ATF3: variants seen among roughly 807,000 people sequenced by gnomAD.
ATF3 encodes the protein activating transcription factor 3, also known as cyclic AMP-dependent transcription factor ATF-3.
Under a neutral mutation model 18.4 loss-of-function variants are expected in ATF3, and 10 were observed. That is an observed-to-expected ratio of 0.54 (90% CI 0.34 to 0.92). The LOEUF is 0.92. Ranked by LOEUF, ATF3 falls within the 40% of genes least tolerant of loss-of-function variation. The pLI is 0.02. For synonymous variants in ATF3, 78 were observed against 87.9 expected (o/e 0.89, Z 0.63); for missense variants, 183 against 222.3 (o/e 0.82, Z 1.12).
intron 1 of ATF3, among the ~76,000 whole-genome samples, chr1:212,601,211 C>T (rs753219916): frequency 1.3e-5 from 2 of 152,306 alleles, no homozygotes; most frequent in South Asian, 4.1e-4. Flanking sequence ...ACTCAGTTTA[C>T]TCAGTCAATA....
chr1:212,607,793 C>T (rs1010023647), upstream of ATF3, among the ~76,000 whole-genome samples: 1 of 152,214 alleles, frequency 6.6e-6, no homozygotes, highest in African/African-American at 2.4e-5. Flanking sequence ...CGCTGGCTTC[C>T]GCCCCCTCCT....
In ATF3 at chr1:212,619,278, C is replaced by G. The variant is rs1367965671; in HGVS notation, c.349-80C>G. On this transcript the variant is annotated intron_variant, in intron 3 of 3. Transcript: ENST00000341491. The surrounding 1 kb of genome is among the most constrained non-coding windows in gnomAD (Gnocchi z 4.4). ...CCGGTGTGTCCCAGGTACACCCCTGCATCCAGGCAGCAGCCCAGGCCACCC... is the reference window on the plus strand; with the variant it reads ...CCGGTGTGTCCCAGGTACACCCCTGGATCCAGGCAGCAGCCCAGGCCACCC... 6.8e-6 allele frequency: 11 copies of G among 1,611,452 alleles called. No homozygotes were observed. The Admixed American group carries it at 1.8e-4, about 27-fold the overall frequency.
intron 1 of ATF3, among the ~76,000 whole-genome samples, chr1:212,609,641 G>A (rs143588995): frequency 6.6e-6 from 1 of 152,356 alleles, no homozygotes; most frequent in African/African-American, 2.4e-5. Context: ...TCCCGGCAAC[G>A]GCTGGTGTCC....
intron 1 of ATF3, among the ~76,000 whole-genome samples, chr1:212,575,480 C>T (rs530229084): frequency 1.7e-4 from 26 of 152,174 alleles, no homozygotes; most frequent in African/African-American, 3.6e-4. Flanking sequence ...TTTCAGCAAA[C>T]GAAAACAGCC....
upstream of ATF3, among the ~76,000 whole-genome samples, chr1:212,605,421 T>C (rs1474031809): frequency 6.6e-6 from 1 of 152,182 alleles, no homozygotes; most frequent in Non-Finnish European, 1.5e-5. Flanking sequence ...TCCACTCCCG[T>C]TCCAAAGCGA....
At chr1:212,585,547 G>A (rs990967074) in intron 1 of ATF3, among the ~76,000 whole-genome samples, 1 of 152,200 alleles carries the variant, frequency 6.6e-6, no homozygotes, top group South Asian at 2.1e-4. Context: ...GAGAATTTAT[G>A]AAGACATGTG....
intron 1 of ATF3, among the ~76,000 whole-genome samples, chr1:212,596,320 C>A (rs1328511495): frequency 6.6e-6 from 1 of 152,320 alleles, no homozygotes; most frequent in Admixed American, 6.5e-5. Context: ...GGTTAGCATT[C>A]CACTTCTGTG....
Position 212,619,522 on chromosome 1 carries a change from C to T in ATF3, c.513C>T (p.Ile171=). The T allele has an allele frequency of 6.2e-7, 1 of 1,614,156 alleles. No homozygotes were observed. The highest frequency in any genetic ancestry group is 8.5e-7 in the Non-Finnish European group (1 of 1,180,022). ...RTPEDERNLF[I]QQIKEGTLQS ...CAGAAGATGAGAGAAACCTCTTTAT[C>T]CAACAGATAAAAGAAGGAACATTGC... The change falls in exon 4 of 4, where the codon ATC becomes ATT. Residue 171 remains isoleucine (I), a synonymous_variant. Transcript: ENST00000341491. The surrounding 1 kb of genome is among the most constrained non-coding windows in gnomAD (Gnocchi z 4.4).
At chr1:212,584,932 G>C (rs1664750576) in intron 1 of ATF3, among the ~76,000 whole-genome samples, 1 of 152,176 alleles carries the variant, frequency 6.6e-6, no homozygotes, top group Non-Finnish European at 1.5e-5. Context: ...AGGATACCTG[G>C]GACAGAGACT....
intron 1 of ATF3, among the ~76,000 whole-genome samples, chr1:212,610,306 T>C (rs1392160325): frequency 6.6e-6 from 1 of 152,242 alleles, no homozygotes; most frequent in Non-Finnish European, 1.5e-5. Flanking sequence ...GGATGTTCTC[T>C]CAGTGTACCC....
Position 212,580,799 on chromosome 1 carries a change from C to T in ATF3, c.-5+15316C>T, listed in dbSNP as rs571703041. On this transcript the variant is annotated intron_variant, in intron 1 of 3. Coordinates refer to the ATF3 transcript ENST00000366981. ...ATTTATTTATTTTGAGACAGAGTCT[C>T]GCTCTGTCACCCAGGCTGGAGTGCA... is the stretch of plus-strand genomic sequence containing the variant. 1.7e-4 allele frequency among the ~76,000 whole-genome samples: 26 copies of T among 152,174 alleles called. No individual in the cohort carries two copies. In the East Asian group the frequency reaches 4.1e-3, roughly 24 times the overall value.
chr1:212,586,679 G>A (rs1164239926), intron 1 of ATF3, among the ~76,000 whole-genome samples: 1 of 152,196 alleles, frequency 6.6e-6, no homozygotes, highest in African/African-American at 2.4e-5. Context: ...GAGCCCTCTG[G>A]AAGCCAGACA....
At chr1:212,605,347 C>T (rs148145553), upstream of ATF3, among the ~76,000 whole-genome samples, 157 of 152,346 alleles carry the variant, frequency 1.0e-3, no homozygotes, top group African/African-American at 3.5e-3. Flanking sequence ...GCAATCCCCA[C>T]ATTCAAACTG....
chr1:212,598,244 T>C (rs1220881361), intron 1 of ATF3, among the ~76,000 whole-genome samples: 2 of 152,242 alleles, frequency 1.3e-5, no homozygotes, highest in Non-Finnish European at 2.9e-5. Context: ...TTATTCTACG[T>C]ATTTTGTTGT....
At chr1:212,611,027 C>A (rs1372388412) in intron 1 of ATF3, among the ~76,000 whole-genome samples, 1 of 152,132 alleles carries the variant, frequency 6.6e-6, no homozygotes, top group Non-Finnish European at 1.5e-5. Flanking sequence ...TGATTCCTTC[C>A]TTTTTAAAAT....
At chr1:212,599,921 C>T (rs1654434502) in intron 1 of ATF3, among the ~76,000 whole-genome samples, 1 of 152,228 alleles carries the variant, frequency 6.6e-6, no homozygotes, top group Non-Finnish European at 1.5e-5. Context: ...TGATCAGATG[C>T]CTGCTTAGGG....
chr1:212,605,216 T>G (rs1654586568), upstream of ATF3, among the ~76,000 whole-genome samples: 1 of 152,182 alleles, frequency 6.6e-6, no homozygotes, highest in Non-Finnish European at 1.5e-5. Context: ...AATAACTTAC[T>G]TAAGGTGACA....
chr1:212,583,907 A>G (rs145311801), intron 1 of ATF3, among the ~76,000 whole-genome samples: 3 of 152,330 alleles, frequency 2.0e-5, no homozygotes, highest in Non-Finnish European at 4.4e-5. Context: ...GACGCATTCA[A>G]CAGGTATTTA....
At chr1:212,605,636 T>C (rs1009364752), upstream of ATF3, among the ~76,000 whole-genome samples, 2 of 152,264 alleles carry the variant, frequency 1.3e-5, no homozygotes, top group African/African-American at 4.8e-5. Context: ...TTTTTTGTTT[T>C]TTCTTTTGCG....
Sources: gnomAD v4.1 joint callset for allele counts (sites outside exome capture counted in the v4.1 genomes callset) on GRCh38, gnomAD v4.1.1 for gene constraint, Gnocchi (gnomAD v3.1) non-coding constraint, MANE v1.5 for transcripts, NCBI Gene and HGNC (gene_info 2026-07-23, HGNC 2026-07-21) for gene names.